Variants in BAZ1A observed in about 807,000 individuals in gnomAD.
BAZ1A encodes the protein bromodomain adjacent to zinc finger domain protein 1A.
In BAZ1A, 50 loss-of-function variants were observed where a neutral mutation model predicts 185.2. The observed-to-expected ratio is 0.27, with a 90% CI of 0.22 to 0.34. The LOEUF is 0.34. BAZ1A is among the 10% of genes least tolerant of loss of function. The pLI, the probability that BAZ1A is intolerant of heterozygous loss-of-function variation, is 1.00. For synonymous variants in BAZ1A, 571 were observed against 615.6 expected, an observed-to-expected ratio of 0.93 and a Z score of 1.07; for missense variants, 1,356 against 1,839.9, an observed-to-expected ratio of 0.74 and a Z score of 4.81.
chr14:34,815,756 A>G (rs1594868417), intron 4 of BAZ1A, among the ~76,000 whole-genome samples: 1 of 152,190 alleles, frequency 6.6e-6, no homozygotes, highest in East Asian at 1.9e-4. Context: ...AATGACCAAA[A>G]AAACTTGTAT....
chr14:34,811,216 C>G (rs575352709), intron 4 of BAZ1A, among the ~76,000 whole-genome samples, 180 bp from the exon 5 acceptor site: 13 of 152,192 alleles, frequency 8.5e-5, no homozygotes, highest in Non-Finnish European at 1.8e-4. Context: ...GCAGTCTCAG[C>G]TCACTGCAAC....
At chr14:34,778,490 A>T (rs930226522) in intron 17 of BAZ1A, among the ~76,000 whole-genome samples, 1 of 152,206 alleles carries the variant, frequency 6.6e-6, no homozygotes, top group African/African-American at 2.4e-5. Context: ...TCTGCTTTTT[A>T]AAAAATTTGG....
At chr14:34,823,374 C>G (rs1395837572) in intron 4 of BAZ1A, among the ~76,000 whole-genome samples, 1 of 148,558 alleles carries the variant, frequency 6.7e-6, no homozygotes, top group African/African-American at 2.5e-5. Context: ...AAAGTTAGTA[C>G]ATGGGTCGGG....
At chr14:34,784,528 G>GT (rs1165147536) in intron 14 of BAZ1A, among the ~76,000 whole-genome samples, 1 of 151,360 alleles carries the variant, frequency 6.6e-6, no homozygotes, top group South Asian at 2.1e-4. Context: ...GTTTGTTTTT[G>GT]TTTTTTTGAG....
chr14:34,786,032 AG>A (rs1748156210), intron 13 of BAZ1A, 31 bp from the exon 14 acceptor site: 3 of 1,602,652 alleles, frequency 1.9e-6, no homozygotes, highest in Non-Finnish European at 2.6e-6. Context: ...ATAGTCATTT[AG>A]AATATAAACA....
intron 3 of BAZ1A, among the ~76,000 whole-genome samples, chr14:34,846,084 A>G (rs1219035423): frequency 6.6e-6 from 1 of 152,160 alleles, no homozygotes; most frequent in Non-Finnish European, 1.5e-5. Flanking sequence ...TGATGAGCCT[A>G]TTATAATATT....
chr14:34,758,251 G>T (rs10131860), intron 25 of BAZ1A, among the ~76,000 whole-genome samples: 1 of 149,640 alleles, frequency 6.7e-6, no homozygotes, highest in Non-Finnish European at 1.5e-5. Flanking sequence ...ACTGCACTCC[G>T]GCCTGGGCGA....
At chr14:34,824,229 C>T (rs913523180) in intron 4 of BAZ1A, among the ~76,000 whole-genome samples, 11 of 147,396 alleles carry the variant, frequency 7.5e-5, no homozygotes, top group African/African-American at 2.5e-4. Context: ...TAAAAATTAG[C>T]CAGGCATGGT....
intron 4 of BAZ1A, among the ~76,000 whole-genome samples, chr14:34,814,537 C>A (rs1459775441): frequency 6.6e-6 from 1 of 151,980 alleles, no homozygotes; most frequent in Non-Finnish European, 1.5e-5. Flanking sequence ...GGCGCAATCA[C>A]GGCTCACTGC....
At position 34,774,342 on chromosome 14, in the gene BAZ1A, T is replaced by A; in HGVS notation, c.2982A>T (p.Thr994=). ...LDIEDRIYQG[T]LGAIKVTDRH... is the part of the protein sequence containing the mutation. ...AAGTACAAACCTTGATGGCTCCTAATGTTCCTTGGTAGATTCTATCTTCAA... is the reference window on the plus strand; with the variant it reads ...AAGTACAAACCTTGATGGCTCCTAAAGTTCCTTGGTAGATTCTATCTTCAA... The change falls in exon 19 of 27, where the codon ACA becomes ACT. Residue 994 remains threonine (T), a synonymous_variant. Transcript: ENST00000360310. 6.2e-7 allele frequency: 1 copy of A among 1,610,468 alleles called. No individual in the cohort carries two copies. The highest frequency in any genetic ancestry group is 8.5e-7 in the Non-Finnish European group (1 of 1,179,098).
In BAZ1A at chr14:34,759,184, T is replaced by TTTTTTTTTTTTTTTTTG. The variant is rs1886410722; in HGVS notation, c.4244-339_4244-338insCAAAAAAAAAAAAAAAA. ...TTTACAGCTACAGTTTTTTTTTTTT[T>TTTTTTTTTTTTTTTTTG]TTTTTTTTTTTTTTGAGATGGAGTC... On this transcript the variant is annotated intron_variant, in intron 24 of 26. Coordinates refer to ENST00000360310, the MANE Select transcript of BAZ1A (RefSeq NM_013448.3). Among the ~76,000 whole-genome samples, 13 of 108,026 alleles carry TTTTTTTTTTTTTTTTTG rather than the reference T, an allele frequency of 1.2e-4. 1 individual carries two copies. The highest frequency in any genetic ancestry group is 3.7e-4 in the South Asian group (1 of 2,702). The allele number at this position is 108,026 out of a possible 152,430, so 70.9% of individuals were successfully genotyped here. A position where few individuals can be genotyped will look rare whatever the true frequency, so the allele number is the denominator to read the frequency against.
chr14:34,761,504 A>G (rs183201006), intron 24 of BAZ1A, among the ~76,000 whole-genome samples: 11 of 152,272 alleles, frequency 7.2e-5, no homozygotes, highest in Admixed American at 7.2e-4. Context: ...ATATTGGCCA[A>G]ATATCTCCAT....
rs1022586640 is a variant in BAZ1A, at chr14:34,805,713, G to A, written c.726+1738C>T. On this transcript the variant is annotated intron_variant, in intron 6 of 26. Coordinates refer to ENST00000360310, the MANE Select transcript of BAZ1A (RefSeq NM_013448.3). ...TTTAAAAAATTATTTTTCAGATGAC[G>A]CTATCTTACGTTTTCAAGTTTTTAT... Among the ~76,000 whole-genome samples the A allele has an allele frequency of 5.3e-5, 8 of 152,048 alleles. No individual in the cohort carries two copies. In the East Asian group the frequency reaches 5.8e-4, roughly 11 times the overall value.
chr14:34,783,223 T>C lies in BAZ1A; in HGVS notation c.2007A>G (p.Lys669=), dbSNP rs1880163723. The part of the protein sequence containing the change: ...EREEAAARIR[K]RKEEKLKEQE... ...GCTCCTTAAGTTTTTCTTCCTTCCTTTTACGAATTCTAAAAGTTAAAATGA... is the reference window on the plus strand; with the variant it reads ...GCTCCTTAAGTTTTTCTTCCTTCCTCTTACGAATTCTAAAAGTTAAAATGA... The change falls in exon 16 of 27, where the codon AAA becomes AAG. Residue 669 remains lysine, a synonymous_variant. Coordinates refer to ENST00000360310, the MANE Select transcript of BAZ1A (RefSeq NM_013448.3). 1 of 1,583,116 alleles carries C rather than the reference T, an allele frequency of 6.3e-7. No homozygotes were observed. Among genetic ancestry groups the C allele is most frequent in the Non-Finnish European group, 8.6e-7 (1 of 1,157,016 alleles).
intron 18 of BAZ1A, 102 bp from the exon 19 acceptor site, chr14:34,774,592 T>C (rs553560936): frequency 2.0e-6 from 2 of 998,700 alleles, no homozygotes; most frequent in Middle Eastern, 2.9e-4. Context: ...TAAAAGTGCT[T>C]TGTAAATCCT....
At chr14:34,761,664 A>G in intron 24 of BAZ1A, 93 bp downstream of exon 24, 1 of 1,159,584 alleles carries the variant, frequency 8.6e-7, no homozygotes, top group Non-Finnish European at 1.2e-6. Flanking sequence ...TCTTAGTGAC[A>G]GACTTTAAAA....
At position 34,753,381 on chromosome 14, in the gene BAZ1A, G is replaced by C; in HGVS notation, c.*127C>G. The C allele has an allele frequency of 1.1e-6, 1 of 886,854 alleles. No individual in the cohort carries two copies. Among genetic ancestry groups the C allele is most frequent in the Non-Finnish European group, 1.7e-6 (1 of 581,330 alleles). 54.9% of individuals were successfully genotyped at this position (886,854 alleles called of 1,614,324 possible). On this transcript the variant is annotated 3_prime_UTR_variant, in exon 27 of 27. Transcript: ENST00000360310. ...CTCCTGAGTGCTTAATATTAAAATTGAGAATATAGTGCAGGCCACACTTTC... is the reference window on the plus strand; with the variant it reads ...CTCCTGAGTGCTTAATATTAAAATTCAGAATATAGTGCAGGCCACACTTTC...
intron 25 of BAZ1A, among the ~76,000 whole-genome samples, chr14:34,756,570 A>G (rs1175187903): frequency 1.4e-5 from 2 of 140,902 alleles, no homozygotes; most frequent in Admixed American, 7.8e-5. Context: ...GGTTCAAGCG[A>G]TTCTCCTGCC....
chr14:34,790,263 G>C (rs1247994878), intron 12 of BAZ1A, among the ~76,000 whole-genome samples: 4 of 151,796 alleles, frequency 2.6e-5, no homozygotes, highest in African/African-American at 9.7e-5. Flanking sequence ...CAAACTCCCA[G>C]GGTCAAACAA....
Sources: gnomAD v4.1 joint callset for allele counts (sites outside exome capture counted in the v4.1 genomes callset) on GRCh38, gnomAD v4.1.1 for gene constraint, MANE v1.5 for transcripts, NCBI Gene and HGNC (gene_info 2026-07-23, HGNC 2026-07-21) for gene names.